FNIP1: variants seen among roughly 807,000 people sequenced by gnomAD.
The protein encoded by FNIP1 is folliculin-interacting protein 1.
Under a neutral mutation model 124.5 loss-of-function variants are expected in FNIP1, and 40 were observed. The observed-to-expected ratio is 0.32, with a 90% confidence interval of 0.25 to 0.42. The LOEUF is 0.42. Ranked by LOEUF, FNIP1 falls within the 10% of genes least tolerant of loss-of-function variation. The pLI, the probability that FNIP1 is intolerant of heterozygous loss-of-function variation, is 1.00. For missense variants in FNIP1, 1,176 were observed against 1,403.7 expected (o/e 0.84, Z 2.59); for synonymous variants, 472 against 470.6 (o/e 1.00, Z -0.04).
At chr5:131,645,932 T>C (rs1766867478) in intron 17 of FNIP1, among the ~76,000 whole-genome samples, 1 of 152,116 alleles carries the variant, frequency 6.6e-6, no homozygotes, top group East Asian at 1.9e-4. Flanking sequence ...TACAAAACAA[T>C]CTGTTAACAG....
intron 15 of FNIP1, among the ~76,000 whole-genome samples, chr5:131,657,807 G>A (rs1217592322): frequency 2.0e-5 from 3 of 148,268 alleles, no homozygotes; most frequent in East Asian, 2.0e-4. Flanking sequence ...TTGGGAGGCC[G>A]AGGCAGGCGG....
chr5:131,793,917 T>A (rs1333507014), intron 1 of FNIP1, among the ~76,000 whole-genome samples: 4 of 152,082 alleles, frequency 2.6e-5, no homozygotes, highest in African/African-American at 9.7e-5. Flanking sequence ...AAAATGTTAG[T>A]CTACTCAAAA....
chr5:131,719,451 A>C, intron 3 of FNIP1, 34 bp from the exon 4 acceptor site: 2 of 1,544,028 alleles, frequency 1.3e-6, no homozygotes, highest in South Asian at 1.2e-5. Context: ...AAACTGTGTT[A>C]ATTAAAAGCT....
intron 3 of FNIP1, among the ~76,000 whole-genome samples, chr5:131,727,199 T>TCCTTGTTAA (rs1437914035): frequency 6.6e-6 from 1 of 152,206 alleles, no homozygotes; most frequent in Non-Finnish European, 1.5e-5. Flanking sequence ...GTCCTGAACA[T>TCCTTGTTAA]CCTTGTTAAT....
At chr5:131,677,000 A>T (rs1767931297) in intron 13 of FNIP1, among the ~76,000 whole-genome samples, 1 of 152,228 alleles carries the variant, frequency 6.6e-6, no homozygotes, top group Non-Finnish European at 1.5e-5. Flanking sequence ...AAAGCAACAG[A>T]GTAGGAGCAG....
At chr5:131,722,975 C>T (rs1038747092) in intron 3 of FNIP1, among the ~76,000 whole-genome samples, 4 of 152,172 alleles carry the variant, frequency 2.6e-5, no homozygotes, top group South Asian at 2.1e-4. Context: ...TGAGCCAACT[C>T]GCCCAGCCCA....
At chr5:131,658,429 C>T (rs2149508362) in intron 15 of FNIP1, among the ~76,000 whole-genome samples, 1 of 152,056 alleles carries the variant, frequency 6.6e-6, no homozygotes, top group African/African-American at 2.4e-5. Flanking sequence ...TAGGCTACAG[C>T]TTTTTGTTTT....
At chr5:131,752,963 T>C (rs1197103814) in intron 1 of FNIP1, among the ~76,000 whole-genome samples, 1 of 152,054 alleles carries the variant, frequency 6.6e-6, no homozygotes, top group Non-Finnish European at 1.5e-5. Context: ...TCCCAGCTAC[T>C]TGGGAGGCTG....
chr5:131,663,615 T>G (rs1767511052), intron 15 of FNIP1, among the ~76,000 whole-genome samples: 1 of 152,244 alleles, frequency 6.6e-6, no homozygotes, highest in Non-Finnish European at 1.5e-5. Context: ...GTTTGCTGGA[T>G]GCTTTAAGGT....
At chr5:131,767,873 T>C (rs527742971) in intron 1 of FNIP1, among the ~76,000 whole-genome samples, 2 of 152,324 alleles carry the variant, frequency 1.3e-5, no homozygotes, top group South Asian at 4.1e-4. Flanking sequence ...ATAGGCTGTT[T>C]ATATCCAATT....
chr5:131,714,967 T>C (rs60202284), intron 6 of FNIP1, among the ~76,000 whole-genome samples: 314 of 152,280 alleles, frequency 2.1e-3, no homozygotes, highest in African/African-American at 6.5e-3. Flanking sequence ...TATTGATTGA[T>C]TGACTGATTG....
rs776566651 is a variant in FNIP1 at position 131,716,662 on chromosome 5, G to A, written c.531-6C>T. On this transcript the variant is annotated splice_polypyrimidine_tract_variant and splice_region_variant and intron_variant, in intron 5 of 17. Coordinates refer to ENST00000510461, the MANE Select transcript of FNIP1 (RefSeq NM_133372.3). ...ATTCAAGACTATCTTGTAGCCTATGGAGGGTGAGAAGAAAATTAATTCCAA... is the reference window on the plus strand; with the variant it reads ...ATTCAAGACTATCTTGTAGCCTATGAAGGGTGAGAAGAAAATTAATTCCAA... 3 of 1,537,970 alleles carry A rather than the reference G, an allele frequency of 2.0e-6. No individual in the cohort carries two copies. The highest frequency in any genetic ancestry group is 2.6e-6 in the Non-Finnish European group (3 of 1,134,030).
intron 1 of FNIP1, among the ~76,000 whole-genome samples, chr5:131,780,604 T>A (rs1229289465): frequency 6.6e-6 from 1 of 152,190 alleles, no homozygotes; most frequent in Non-Finnish European, 1.5e-5. Context: ...TATTTCAAAC[T>A]TTTTCATTAT....
chr5:131,709,359 T>C (rs1769217376), intron 7 of FNIP1, 87 bp from the exon 8 acceptor site: 1 of 1,120,080 alleles, frequency 8.9e-7, no homozygotes, highest in African/African-American at 1.5e-5. Flanking sequence ...AACGAAATCA[T>C]GCTCATCTCA....
intron 17 of FNIP1, 115 bp from the exon 18 acceptor site, chr5:131,644,878 G>C (rs1439363872): frequency 3.3e-6 from 3 of 905,538 alleles, no homozygotes; most frequent in Non-Finnish European, 5.1e-6. Flanking sequence ...AAGGAGCTAG[G>C]CCACTCTGGC....
At chr5:131,731,140 C>T in intron 2 of FNIP1, 102 bp from the exon 3 acceptor site, 1 of 1,071,720 alleles carries the variant, frequency 9.3e-7, no homozygotes, top group Non-Finnish European at 1.3e-6. Flanking sequence ...AATGAAATAA[C>T]TCAAAATACA....
Position 131,692,628 on chromosome 5 carries a change from G to A in FNIP1, c.1202+6289C>T, listed in dbSNP as rs185570359. Among the ~76,000 whole-genome samples, 40 of 152,190 alleles carry A rather than the reference G, an allele frequency of 2.6e-4. No homozygotes were observed. In the Middle Eastern group the frequency reaches 0.024, roughly 91 times the overall value. ...CTTAAGAATAAAAACAAAGTTGGAG[G>A]ACTGATACTACTGAACTTCAAGATT... On this transcript the variant is annotated intron_variant, in intron 11 of 17. Transcript: ENST00000510461.
intron 13 of FNIP1, among the ~76,000 whole-genome samples, chr5:131,673,398 G>A (rs957475696): frequency 6.6e-6 from 1 of 152,064 alleles, no homozygotes; most frequent in Non-Finnish European, 1.5e-5. Flanking sequence ...TTCAAGGGAG[G>A]AAGATGAGAT....
chr5:131,695,296 C>T (rs1187539300), intron 11 of FNIP1, among the ~76,000 whole-genome samples: 5 of 152,170 alleles, frequency 3.3e-5, no homozygotes, highest in Non-Finnish European at 7.3e-5. Flanking sequence ...TAAACTCATG[C>T]ATCAAACTGG....
Sources: gnomAD v4.1 joint callset for allele counts (sites outside exome capture counted in the v4.1 genomes callset) on GRCh38, gnomAD v4.1.1 for gene constraint, MANE v1.5 for transcripts, NCBI Gene and HGNC (gene_info 2026-07-23, HGNC 2026-07-21) for gene names.